Variants in FYB2 observed in about 807,000 individuals in gnomAD.
FYB2 encodes FYN binding protein 2.
In FYB2, 103 loss-of-function variants were observed where a neutral mutation model predicts 94.1. That is an observed-to-expected ratio of 1.09 (90% CI 0.93 to 1.29). FYB2 has a LOEUF of 1.29. Ranked by LOEUF, FYB2 falls within the 50% of genes most tolerant of loss-of-function variation. The probability of loss-of-function intolerance (pLI) is 0.00; values close to 1 mark genes in which losing one functional copy is unlikely to be tolerated. For synonymous variants in FYB2, 293 were observed against 287.9 expected, an observed-to-expected ratio of 1.02 and a Z score of -0.18; for missense variants, 896 against 841.5, an observed-to-expected ratio of 1.06 and a Z score of -0.80.
chr1:56,735,230 G>A (rs1644804830), intron 15 of FYB2, among the ~76,000 whole-genome samples: 1 of 151,994 alleles, frequency 6.6e-6, no homozygotes, highest in African/African-American at 2.4e-5. Context: ...TCAAATGAAT[G>A]GTAAAGAAAA....
At chr1:56,758,978 G>A (rs1283898537) in intron 5 of FYB2, among the ~76,000 whole-genome samples, 3 of 152,156 alleles carry the variant, frequency 2.0e-5, no homozygotes, top group African/African-American at 4.8e-5. Context: ...GATGAAGCAT[G>A]TGAAACCATT....
At chr1:56,719,744 A>C in intron 19 of FYB2, 52 bp from the exon 20 acceptor site, 7 of 1,414,660 alleles carry the variant, frequency 4.9e-6, no homozygotes, top group Non-Finnish European at 6.8e-6. Flanking sequence ...ACAATGAAAC[A>C]GTTGAGTGGG....
chr1:56,720,085 G>C, intron 18 of FYB2, 30 bp from the exon 19 acceptor site: 1 of 1,594,454 alleles, frequency 6.3e-7, no homozygotes, highest in Non-Finnish European at 8.5e-7. Flanking sequence ...CCGTTAATTT[G>C]AAAGTTATAG....
rs1191029077 is a variant in FYB2, at chr1:56,787,218, A to G, written c.920-10T>C. 5 of 1,613,858 alleles carry G rather than the reference A, an allele frequency of 3.1e-6. No individual in the cohort carries two copies. The highest frequency in any genetic ancestry group is 4.2e-6 in the Non-Finnish European group (5 of 1,179,828). On this transcript the variant is annotated splice_polypyrimidine_tract_variant and intron_variant, in intron 3 of 19. Coordinates refer to ENST00000343433, the MANE Select transcript of FYB2 (RefSeq NM_001004303.5). ...CCCTCTTCCACAGTCACTGCAAGAG[A>G]AAGAGGCGGAATGAAAAAGAGGCAT...
At chr1:56,806,923 C>T (rs1033386575) in intron 1 of FYB2, among the ~76,000 whole-genome samples, 3 of 152,144 alleles carry the variant, frequency 2.0e-5, no homozygotes, top group African/African-American at 7.2e-5. Context: ...TAGTTGGCAG[C>T]CTGGGGATCA....
intron 15 of FYB2, among the ~76,000 whole-genome samples, chr1:56,736,018 T>G (rs857127): frequency 0.63 from 95,837 of 151,992 alleles, 32,005 homozygotes; most frequent in African/African-American, 0.88. Flanking sequence ...TAATTACCTT[T>G]ATCTTATCAC....
intron 4 of FYB2, among the ~76,000 whole-genome samples, chr1:56,781,372 C>T (rs558159662): frequency 9.1e-4 from 138 of 152,254 alleles, no homozygotes; most frequent in African/African-American, 3.1e-3. Context: ...CACAGCTGAT[C>T]CAGCAATTGC....
At chr1:56,747,245 TCTTTTTTAA>T (rs1645088432) in intron 9 of FYB2, among the ~76,000 whole-genome samples, 1 of 151,888 alleles carries the variant, frequency 6.6e-6, no homozygotes, top group South Asian at 2.1e-4. Context: ...ACCTTCTCAC[TCTTTTTTAA>T]CTTTTTTTTT....
intron 15 of FYB2, among the ~76,000 whole-genome samples, chr1:56,735,497 TAC>T (rs1281199047): frequency 2.0e-5 from 3 of 152,096 alleles, no homozygotes; most frequent in African/African-American, 7.2e-5. Context: ...GGATACAATA[TAC>T]AGTGAGATAT....
chr1:56,757,687 C>CTTCCTTCTTTTTTTTTTCTTTCTTTCT (rs1293394860), intron 6 of FYB2, among the ~76,000 whole-genome samples: 10 of 71,940 alleles, frequency 1.4e-4, no homozygotes, highest in Admixed American at 1.2e-3. Context: ...TCCTTCCTTC[C>CTTCCTTCTTTTTTTTTTCTTTCTTTCT]TTCTTTCTTT....
rs190613252 is a variant in FYB2, at chr1:56,801,853, T to A, written c.10-9050A>T. 4.2e-4 allele frequency among the ~76,000 whole-genome samples: 64 copies of A among 152,298 alleles called. No homozygotes were observed. In the East Asian group the frequency reaches 0.011, roughly 26 times the overall value. Reference sequence around the variant, plus strand: ...CCCACTCCACAGTTACTTGGGTATGTGTAAAAGGCATGAAATGTGCCTAGA... The same window carrying A: ...CCCACTCCACAGTTACTTGGGTATGAGTAAAAGGCATGAAATGTGCCTAGA... On this transcript the variant is annotated intron_variant, in intron 1 of 19. Transcript: ENST00000343433.
chr1:56,720,864 TTAAGCACCATAGA>T (rs1644472086), intron 17 of FYB2: 1 of 152,404 alleles, frequency 6.6e-6, no homozygotes, highest in Non-Finnish European at 1.5e-5. Flanking sequence ...TAGGTATGAA[TTAAGCACCATAGA>T]TGGTAGTTAA....
intron 4 of FYB2, among the ~76,000 whole-genome samples, chr1:56,774,723 C>T (rs996439027): frequency 6.6e-6 from 1 of 151,978 alleles, no homozygotes; most frequent in African/African-American, 2.4e-5. Context: ...CAGGGTGTGT[C>T]TGTGAGGGTA....
intron 1 of FYB2, among the ~76,000 whole-genome samples, chr1:56,813,517 T>C (rs563006903): frequency 3.3e-5 from 5 of 152,336 alleles, no homozygotes; most frequent in South Asian, 4.1e-4. Flanking sequence ...ATGAGGATTA[T>C]GGGAGCTACA....
At position 56,792,564 on chromosome 1, in the gene FYB2, C is replaced by G; in HGVS notation, c.249G>C (p.Gln83His). 6.2e-7 allele frequency: 1 copy of G among 1,614,128 alleles called. No homozygotes were observed. Among genetic ancestry groups the G allele is most frequent in the Non-Finnish European group, 8.5e-7 (1 of 1,180,012 alleles). The change falls in exon 2 of 20, where the codon CAG becomes CAC. Residue 83 changes from glutamine (Q) to histidine (H), a missense_variant. Gln to His is a conservative substitution (Grantham distance 24). Coordinates refer to ENST00000343433, the MANE Select transcript of FYB2 (RefSeq NM_001004303.5). ...PLQPQKIKLAQKSEIPKCSNS... is the reference protein window; with the variant it reads ...PLQPQKIKLAHKSEIPKCSNS... ...TAGAACATTTTGGAATTTCACTCTTCTGAGCCAACTTTATTTTCTGAGGTT... is the reference window on the plus strand; with the variant it reads ...TAGAACATTTTGGAATTTCACTCTTGTGAGCCAACTTTATTTTCTGAGGTT...
chr1:56,796,392 C>G (rs1646398289), intron 1 of FYB2, among the ~76,000 whole-genome samples: 2 of 152,214 alleles, frequency 1.3e-5, no homozygotes, highest in South Asian at 4.2e-4. Context: ...CGCAGCTAGT[C>G]AATCCCCAAA....
At chr1:56,819,411 C>T, upstream of FYB2, 3 of 1,392,666 alleles carry the variant, frequency 2.2e-6, no homozygotes, top group Non-Finnish European at 3.0e-6. Flanking sequence ...CCACAGGACA[C>T]ACCTGAGCCC....
intron 12 of FYB2, 104 bp from the exon 13 acceptor site, chr1:56,740,899 G>A: frequency 1.4e-6 from 1 of 708,218 alleles, no homozygotes; most frequent in South Asian, 2.2e-5. Context: ...TCACTTGTAA[G>A]TGGGAGCTAA....
At chr1:56,813,634 G>C (rs1646816614) in intron 1 of FYB2, among the ~76,000 whole-genome samples, 1 of 152,154 alleles carries the variant, frequency 6.6e-6, no homozygotes, top group Middle Eastern at 3.2e-3. Context: ...CTGGGGGTTA[G>C]GACTTCAACA....
Sources: gnomAD v4.1 joint callset for allele counts (sites outside exome capture counted in the v4.1 genomes callset) on GRCh38, gnomAD v4.1.1 for gene constraint, MANE v1.5 for transcripts, NCBI Gene and HGNC (gene_info 2026-07-23, HGNC 2026-07-21) for gene names.